VAC14: variants seen among roughly 807,000 people sequenced by gnomAD.
VAC14 encodes the protein VAC14 component of PIKFYVE complex.
VAC14 carries 47 observed loss-of-function variants against 85.3 expected under a neutral mutation model. That is an observed-to-expected ratio of 0.55 (90% confidence interval 0.44 to 0.70). The LOEUF is 0.70. Among genes scored for constraint, VAC14 ranks in the 30% least tolerant of loss-of-function variants. VAC14 has a pLI of 0.00. For synonymous variants in VAC14, 447 were observed against 430.5 expected, an observed-to-expected ratio of 1.04 and a Z score of -0.47; for missense variants, 861 against 1,004.3, an observed-to-expected ratio of 0.86 and a Z score of 1.93.
Position 70,766,668 on chromosome 16 carries a change from A to C in VAC14, c.1161-3643T>G, listed in dbSNP as rs1198074098. 1.7e-5 allele frequency: 6 copies of C among 344,774 alleles called. No individual in the cohort carries two copies. In the Admixed American group the frequency reaches 1.8e-4, roughly 11 times the overall value. The allele number at this position is 344,774 out of a possible 1,614,324, so 21.4% of individuals were successfully genotyped here. On this transcript the variant is annotated intron_variant, in intron 10 of 18. Transcript: ENST00000261776. ...AGCAGTCATTCCCTGGGCTGGAGACACTCTCCCTGGGCTTTTCTTCCCTTG... is the reference window on the plus strand; with the variant it reads ...AGCAGTCATTCCCTGGGCTGGAGACCCTCTCCCTGGGCTTTTCTTCCCTTG...
intron 14 of VAC14, among the ~76,000 whole-genome samples, chr16:70,701,516 C>T (rs1381313026): frequency 1.3e-5 from 2 of 152,064 alleles, no homozygotes; most frequent in East Asian, 1.9e-4. Context: ...ACAACCTACA[C>T]GGCCACCCTG....
intron 9 of VAC14, among the ~76,000 whole-genome samples, chr16:70,778,280 G>A (rs934525892): frequency 1.3e-5 from 2 of 152,206 alleles, no homozygotes; most frequent in African/African-American, 4.8e-5. Flanking sequence ...AACCACCAAT[G>A]CTCCAGCTGG....
intron 12 of VAC14, among the ~76,000 whole-genome samples, chr16:70,760,954 G>A (rs1037084367): frequency 8.1e-6 from 1 of 123,444 alleles, no homozygotes; most frequent in Non-Finnish European, 1.7e-5. Context: ...GGTGGTGCAC[G>A]AAGAGAGGGT....
intron 14 of VAC14, chr16:70,714,862 G>GT (rs2054125950): frequency 6.6e-6 from 1 of 152,200 alleles, no homozygotes; most frequent in African/African-American, 2.4e-5. Context: ...AGGAGAGTGT[G>GT]TAGGGCCACA....
At chr16:70,744,087 C>T (rs965593357) in intron 13 of VAC14, among the ~76,000 whole-genome samples, 1 of 152,124 alleles carries the variant, frequency 6.6e-6, no homozygotes, top group African/African-American at 2.4e-5. Context: ...AGACCGAAGC[C>T]CCTGGATTCC....
chr16:70,721,022 C>T (rs2054277799), intron 14 of VAC14, among the ~76,000 whole-genome samples: 1 of 152,246 alleles, frequency 6.6e-6, no homozygotes, highest in African/African-American at 2.4e-5. Flanking sequence ...ATGCGAGCCA[C>T]TGCGATAAGC....
chr16:70,688,430 C>T (rs888760488), intron 18 of VAC14: 18 of 1,008,378 alleles, frequency 1.8e-5, no homozygotes, highest in Non-Finnish European at 2.0e-5. Context: ...TAGCAGCCAG[C>T]CAGGAAGCCA....
intron 10 of VAC14, chr16:70,769,000 G>C (rs1597978105): frequency 3.6e-6 from 1 of 279,192 alleles, no homozygotes; most frequent in East Asian, 1.3e-4. Flanking sequence ...ATTTTTAGTA[G>C]AGATGGGGTT....
chr16:70,743,901 G>C (rs190082291), intron 13 of VAC14, among the ~76,000 whole-genome samples: 3 of 152,292 alleles, frequency 2.0e-5, no homozygotes, highest in African/African-American at 7.2e-5. Flanking sequence ...ATCTGGAAGG[G>C]ACCGAGGGGC....
In VAC14 at chr16:70,762,740, C is replaced by G; in HGVS notation, c.1306-135G>C. On this transcript the variant is annotated intron_variant, in intron 11 of 18. Coordinates refer to ENST00000261776, the MANE Select transcript of VAC14 (RefSeq NM_018052.5). This position sits in a 1 kb window ranked among gnomAD's most constrained non-coding sequence, Gnocchi z 4.1. ...TTCCCTCCCCGACACAATGAGGGCT[C>G]CTCGCAGCACCTGTCACTTCTCTGC... The G allele has an allele frequency of 6.7e-7, 1 of 1,492,944 alleles. No individual in the cohort carries two copies. Among genetic ancestry groups the G allele is most frequent in the South Asian group, 1.2e-5 (1 of 82,898 alleles). The allele number at this position is 1,492,944 out of a possible 1,614,324, so 92.5% of individuals were successfully genotyped here. A position where few individuals can be genotyped will look rare whatever the true frequency, so the allele number is the denominator to read the frequency against.
intron 8 of VAC14, 116 bp from the exon 9 acceptor site, chr16:70,781,055 A>T (rs2033788561): frequency 7.1e-6 from 10 of 1,416,086 alleles, no homozygotes; most frequent in Non-Finnish European, 7.7e-6. Flanking sequence ...GGTTTCGGTC[A>T]TGGGGGTGGA....
chr16:70,744,040 G>A (rs77366148), intron 13 of VAC14, among the ~76,000 whole-genome samples: 7,886 of 152,126 alleles, frequency 0.052, 206 homozygotes, highest in Middle Eastern at 0.14. Context: ...CAGAGAGGAA[G>A]GGAATGGCCA....
intron 12 of VAC14, chr16:70,747,956 CT>C (rs1423817598): frequency 6.6e-6 from 1 of 151,912 alleles, no homozygotes; most frequent in Non-Finnish European, 1.5e-5. Context: ...GCAAGGTTGT[CT>C]CCACCCTTCG....
intron 10 of VAC14, chr16:70,768,948 G>A (rs1434571499): frequency 9.2e-6 from 3 of 326,448 alleles, no homozygotes; most frequent in Admixed American, 4.4e-5. Context: ...GTACAGGTAA[G>A]TGCCACCACG....
chr16:70,750,628 T>G (rs1421452901), intron 12 of VAC14, among the ~76,000 whole-genome samples: 1 of 152,018 alleles, frequency 6.6e-6, no homozygotes, highest in Non-Finnish European at 1.5e-5. Flanking sequence ...GTGGTGACTT[T>G]ACACCAGCAA....
chr16:70,763,928 T>C (rs1183832267), intron 10 of VAC14, among the ~76,000 whole-genome samples: 1 of 152,108 alleles, frequency 6.6e-6, no homozygotes, highest in Non-Finnish European at 1.5e-5. Flanking sequence ...CCTCGGGATA[T>C]TGGGGAGGGG....
At chr16:70,715,951 A>G (rs1218427433) in intron 14 of VAC14, 3 of 152,184 alleles carry the variant, frequency 2.0e-5, no homozygotes, top group African/African-American at 7.2e-5. Context: ...GGCTCTATAG[A>G]TTTTTGGCTC....
At chr16:70,768,794 G>A (rs908834988) in intron 10 of VAC14, 4 of 453,472 alleles carry the variant, frequency 8.8e-6, no homozygotes, top group African/African-American at 6.0e-5. Context: ...AATTTCATGT[G>A]GATGTGCATT....
At chr16:70,771,482 T>C (rs1051378253) in intron 10 of VAC14, 1 of 152,208 alleles carries the variant, frequency 6.6e-6, no homozygotes, top group African/African-American at 2.4e-5. Flanking sequence ...GCAGTCACCA[T>C]GTATTAGCTG....
Sources: gnomAD v4.1 joint callset for allele counts (sites outside exome capture counted in the v4.1 genomes callset) on GRCh38, gnomAD v4.1.1 for gene constraint, Gnocchi (gnomAD v3.1) non-coding constraint, MANE v1.5 for transcripts, NCBI Gene and HGNC (gene_info 2026-07-23, HGNC 2026-07-21) for gene names.